OTUB2: variants seen among roughly 807,000 people sequenced by gnomAD.
OTUB2 encodes the protein ubiquitin thioesterase OTUB2.
OTUB2 carries 21 observed loss-of-function variants against 25.1 expected under a neutral mutation model. The ratio of observed to expected loss-of-function variants is 0.84; its 90% CI spans 0.59 to 1.21. The LOEUF (loss-of-function observed/expected upper bound fraction) is 1.21. OTUB2 is among the 50% of genes most tolerant of loss of function. OTUB2 has a pLI of 0.00. For synonymous variants in OTUB2, 122 were observed against 122.8 expected (o/e 0.99, Z 0.04); for missense variants, 283 against 298.0 (o/e 0.95, Z 0.37).
At chr14:94,044,308 A>T (rs1885221435) in intron 4 of OTUB2, among the ~76,000 whole-genome samples, 1 of 152,146 alleles carries the variant, frequency 6.6e-6, no homozygotes, top group African/African-American at 2.4e-5. Context: ...TGCCACTCTG[A>T]GTGTGCACGT....
chr14:94,045,977 G>A lies in OTUB2; in HGVS notation c.*55G>A. ...CACCTAATGGGACTGCATTCTGAAT[G>A]GAACATTCCGGCTCTTCAATTTTTT... On this transcript the variant is annotated 3_prime_UTR_variant, in exon 6 of 6. Transcript: ENST00000203664. 1 of 1,560,092 alleles carries A rather than the reference G, an allele frequency of 6.4e-7. No individual in the cohort carries two copies. Among genetic ancestry groups the A allele is most frequent in the Non-Finnish European group, 8.8e-7 (1 of 1,135,590 alleles).
At chr14:94,032,854 AGT>A (rs1258756469) in intron 1 of OTUB2, among the ~76,000 whole-genome samples, 2 of 152,210 alleles carry the variant, frequency 1.3e-5, no homozygotes, top group African/African-American at 4.8e-5. Flanking sequence ...TGATGCCCAC[AGT>A]GTGTCCTGAA....
chr14:94,038,254 T>C (rs1436959983), intron 2 of OTUB2, among the ~76,000 whole-genome samples: 2 of 152,184 alleles, frequency 1.3e-5, no homozygotes, highest in African/African-American at 4.8e-5. Flanking sequence ...GCGGGGCACT[T>C]CCAGGGAAGG....
At position 94,037,941 on chromosome 14, in the gene OTUB2, G is replaced by C. The variant is rs575747482; in HGVS notation, c.99+466G>C. On this transcript the variant is annotated intron_variant, in intron 2 of 5. Transcript: ENST00000203664. Reference sequence around the variant, plus strand: ...TGAGGCTAAAGGGATTTGTGGGAAGGCTGCAGGGATCGCTCATGGAGCACT... The same window carrying C: ...TGAGGCTAAAGGGATTTGTGGGAAGCCTGCAGGGATCGCTCATGGAGCACT... Among the ~76,000 whole-genome samples the C allele has an allele frequency of 4.6e-5, 7 of 152,364 alleles. 1 individual carries two copies. The highest frequency in any genetic ancestry group is 3.9e-4 in the Admixed American group (6 of 15,306).
At chr14:94,035,766 C>A in intron 1 of OTUB2, among the ~76,000 whole-genome samples, 1 of 152,158 alleles carries the variant, frequency 6.6e-6, no homozygotes, top group East Asian at 1.9e-4. Flanking sequence ...GTGGGGAGAT[C>A]AGGGAGGCTT....
chr14:94,033,107 T>G (rs571786730), intron 1 of OTUB2, among the ~76,000 whole-genome samples: 155 of 152,254 alleles, frequency 1.0e-3, no homozygotes, highest in Middle Eastern at 3.4e-3. Context: ...AGACGGAGTT[T>G]TGCCATGTTG....
intron 1 of OTUB2, among the ~76,000 whole-genome samples, chr14:94,034,320 TG>T (rs1885011469): frequency 6.6e-6 from 1 of 151,610 alleles, no homozygotes; most frequent in Admixed American, 6.6e-5. Flanking sequence ...AGAACTTTCC[TG>T]GGTGAGGCCT....
chr14:94,028,069 C>T (rs1344561365), intron 1 of OTUB2, among the ~76,000 whole-genome samples: 2 of 152,248 alleles, frequency 1.3e-5, no homozygotes, highest in African/African-American at 4.8e-5. Flanking sequence ...TGAGGCCGCT[C>T]ACTCTGCTCC....
intron 1 of OTUB2, among the ~76,000 whole-genome samples, chr14:94,029,845 C>A (rs60500606): frequency 0.12 from 18,387 of 152,038 alleles, 3,525 homozygotes; most frequent in African/African-American, 0.41. Context: ...GGTAAACAGG[C>A]GAGCCTATGA....
rs570569806 is a variant in OTUB2 at position 94,043,328 on chromosome 14, G to A, written c.219-643G>A. ...CTGGTCACCCAGGGCCGCTCACCTG[G>A]TCCTTGTGGGAGGCAGCCCTTCCTC... On this transcript the variant is annotated intron_variant, in intron 3 of 5. Transcript: ENST00000203664. Among the ~76,000 whole-genome samples, 292 of 152,334 alleles carry A rather than the reference G, an allele frequency of 1.9e-3. 1 individual carries two copies. Among genetic ancestry groups the A allele is most frequent in the Non-Finnish European group, 3.0e-3 (205 of 68,026 alleles).
At chr14:94,028,943 A>G in intron 1 of OTUB2, among the ~76,000 whole-genome samples, 1 of 152,194 alleles carries the variant, frequency 6.6e-6, no homozygotes, top group East Asian at 1.9e-4. Flanking sequence ...GCGGGGGGAC[A>G]GTGGGCTATC....
chr14:94,043,127 TCCTCCTACAAG>T, intron 3 of OTUB2, among the ~76,000 whole-genome samples: 1 of 152,332 alleles, frequency 6.6e-6, no homozygotes, highest in East Asian at 1.9e-4. Context: ...CTGCCCCCTG[TCCTCCTACAAG>T]GCACCAGGCT....
intron 1 of OTUB2, among the ~76,000 whole-genome samples, chr14:94,030,868 G>A (rs929471563): frequency 6.6e-6 from 1 of 152,138 alleles, no homozygotes; most frequent in Non-Finnish European, 1.5e-5. Flanking sequence ...CTCTAGAAAC[G>A]GAAGACAAGA....
rs1398290505 is a variant in OTUB2 at position 94,026,490 on chromosome 14, G to T, written c.-48G>T. 3 of 1,323,266 alleles carry T rather than the reference G, an allele frequency of 2.3e-6. No individual in the cohort carries two copies. Among genetic ancestry groups the T allele is most frequent in the Non-Finnish European group, 9.7e-7 (1 of 1,030,556 alleles). The allele number at this position is 1,323,266 out of a possible 1,614,324, so 82.0% of individuals were successfully genotyped here. ...GCGCCTCCCGCGGCATTCCCGCACC[G>T]GATCGCTCCTCGCTGGGGCGGGACC... On this transcript the variant is annotated 5_prime_UTR_variant, in exon 1 of 6. Coordinates refer to ENST00000203664, the MANE Select transcript of OTUB2 (RefSeq NM_023112.4).
chr14:94,028,636 A>G (rs972702785), intron 1 of OTUB2, among the ~76,000 whole-genome samples: 8 of 152,246 alleles, frequency 5.3e-5, no homozygotes, highest in African/African-American at 1.9e-4. Context: ...ACAGGCCCCC[A>G]GTGGGCACCT....
intron 5 of OTUB2, among the ~76,000 whole-genome samples, chr14:94,045,499 G>A (rs1885254972): frequency 1.3e-5 from 2 of 152,172 alleles, no homozygotes; most frequent in South Asian, 2.1e-4. Context: ...ATTCAGGTTC[G>A]ATTCTTGCAA....
At chr14:94,040,365 C>G (rs1223118289) in intron 3 of OTUB2, among the ~76,000 whole-genome samples, 3 of 152,198 alleles carry the variant, frequency 2.0e-5, no homozygotes, top group Non-Finnish European at 4.4e-5. Flanking sequence ...GGATTATGAC[C>G]CCAACTTCAT....
chr14:94,029,487 C>T (rs1884919886), intron 1 of OTUB2, among the ~76,000 whole-genome samples: 1 of 152,164 alleles, frequency 6.6e-6, no homozygotes, highest in African/African-American at 2.4e-5. Flanking sequence ...GAACTTTGAT[C>T]TTCACGTGGT....
chr14:94,046,251 A>C lies in OTUB2; in HGVS notation c.*329A>C, dbSNP rs1402340188. 2.5e-6 allele frequency: 1 copy of C among 408,050 alleles called. No individual in the cohort carries two copies. The highest frequency in any genetic ancestry group is 4.5e-6 in the Non-Finnish European group (1 of 222,354). The allele number at this position is 408,050 out of a possible 1,614,324, so 25.3% of individuals were successfully genotyped here. A position where few individuals can be genotyped will look rare whatever the true frequency, so the allele number is the denominator to read the frequency against. Reference sequence around the variant, plus strand: ...AGGTCCCTGCCTATGCTGACATTCCATTGTAGAAAAATGGGGCCTCTGGTG... The same window carrying C: ...AGGTCCCTGCCTATGCTGACATTCCCTTGTAGAAAAATGGGGCCTCTGGTG... On this transcript the variant is annotated 3_prime_UTR_variant, in exon 6 of 6. Transcript: ENST00000203664.
Sources: allele counts gnomAD v4.1 joint callset (sites outside exome capture counted in the v4.1 genomes callset), GRCh38; gene constraint gnomAD v4.1.1; transcripts MANE v1.5; gene names NCBI Gene and HGNC (gene_info 2026-07-23, HGNC 2026-07-21).